The following DEK variants were observed in gnomAD, a reference collection of about 807,000 sequenced individuals.
DEK encodes the protein DEK proto-oncogene, also known as protein DEK.
In DEK, 28 loss-of-function variants were observed where a neutral mutation model predicts 46.8. The ratio of observed to expected loss-of-function variants is 0.60; its 90% CI spans 0.44 to 0.82. The LOEUF (loss-of-function observed/expected upper bound fraction) is 0.82, where lower values mean the gene tolerates loss of function less well. DEK is among the 40% of genes least tolerant of loss of function. DEK has a pLI of 0.00. For synonymous variants in DEK, 160 were observed against 144.5 expected (o/e 1.11, Z -0.77); for missense variants, 416 against 430.6 (o/e 0.97, Z 0.30).
chr6:18,239,073 C>A (rs1241205908), intron 7 of DEK, among the ~76,000 whole-genome samples: 5 of 152,012 alleles, frequency 3.3e-5, no homozygotes, highest in Admixed American at 2.0e-4. Context: ...TACAGGCATG[C>A]GCCACCACAC....
At chr6:18,258,966 C>G (rs930387232) in intron 2 of DEK, among the ~76,000 whole-genome samples, 1 of 152,134 alleles carries the variant, frequency 6.6e-6, no homozygotes, top group Non-Finnish European at 1.5e-5. Flanking sequence ...ACTGGGAGAG[C>G]ATTACTTTGT....
chr6:18,236,436 A>G lies in DEK; in HGVS notation c.1047+16T>C. 6.2e-7 allele frequency: 1 copy of G among 1,605,586 alleles called. No individual in the cohort carries two copies. The highest frequency in any genetic ancestry group is 1.1e-5 in the South Asian group (1 of 89,762). On this transcript the variant is annotated intron_variant, in intron 9 of 10. Coordinates refer to ENST00000652689, the MANE Select transcript of DEK (RefSeq NM_003472.4). ...TTCTAGCAAAAGCAAAATAATCTAA[A>G]CATTTGTCTAATTACCTTTTTGCAA...
intron 6 of DEK, among the ~76,000 whole-genome samples, chr6:18,252,323 A>C (rs2151090510): frequency 1.3e-5 from 2 of 152,142 alleles, no homozygotes; most frequent in East Asian, 3.9e-4. Context: ...CATCTTGGAC[A>C]ATATAGTGAG....
chr6:18,248,712 C>T (rs1791230829), intron 7 of DEK, among the ~76,000 whole-genome samples: 1 of 152,186 alleles, frequency 6.6e-6, no homozygotes. Flanking sequence ...TACCAGAGTT[C>T]ACTATATCTT....
rs1791570085 is a variant in DEK, at chr6:18,255,813, A to G, written c.491T>C (p.Leu164Pro). 6.2e-7 allele frequency: 1 copy of G among 1,611,172 alleles called. No individual in the cohort carries two copies. ...NAMLKSICEVLDLERSGVNSE... is the reference protein window; with the variant it reads ...NAMLKSICEVPDLERSGVNSE... ...ATTTACACCTGATCTCTCCAAATCA[A>G]GAACCTCACAGATGCTCTTTAACAT... The change falls in exon 6 of 11, where the codon CTT becomes CCT. Residue 164 changes from leucine to proline, a missense_variant. Coordinates refer to ENST00000652689, the MANE Select transcript of DEK (RefSeq NM_003472.4).
At chr6:18,259,070 C>T (rs1791724946) in intron 2 of DEK, among the ~76,000 whole-genome samples, 1 of 151,900 alleles carries the variant, frequency 6.6e-6, no homozygotes, top group Non-Finnish European at 1.5e-5. Flanking sequence ...GTGGCTCATG[C>T]CTGTAATCCC....
intron 2 of DEK, among the ~76,000 whole-genome samples, chr6:18,260,325 T>C (rs1420073809): frequency 1.3e-5 from 2 of 152,176 alleles, no homozygotes; most frequent in African/African-American, 4.8e-5. Context: ...TTTTACCAAT[T>C]TGTGGTTGAT....
chr6:18,237,634 C>T (rs1041657015), intron 7 of DEK, 118 bp from the exon 8 acceptor site: 3 of 1,330,160 alleles, frequency 2.3e-6, no homozygotes, highest in African/African-American at 1.5e-5. Context: ...TATTTGGTAT[C>T]AGCAATTAAA....
intron 7 of DEK, among the ~76,000 whole-genome samples, chr6:18,248,248 G>C (rs1378140820): frequency 6.6e-6 from 1 of 152,074 alleles, no homozygotes; most frequent in Non-Finnish European, 1.5e-5. Context: ...ATAGAGGTCA[G>C]ATTTGAACTC....
chr6:18,263,768 A>C (rs926108288), intron 2 of DEK, 75 bp downstream of exon 2: 1 of 1,609,686 alleles, frequency 6.2e-7, no homozygotes, highest in Non-Finnish European at 8.5e-7. Flanking sequence ...AGAGCAAGAA[A>C]ACTGTTTCCT....
intron 7 of DEK, among the ~76,000 whole-genome samples, chr6:18,242,672 T>C (rs1020930987): frequency 2.0e-5 from 3 of 152,160 alleles, no homozygotes; most frequent in African/African-American, 7.2e-5. Context: ...TGTTGCAGTA[T>C]CATTGTGCTT....
At chr6:18,248,788 T>G (rs932228803) in intron 7 of DEK, among the ~76,000 whole-genome samples, 3 of 152,196 alleles carry the variant, frequency 2.0e-5, no homozygotes, top group Admixed American at 6.5e-5. Context: ...TGACAATGTC[T>G]GAAGAACATT....
At chr6:18,232,290 T>C (rs1790446422) in intron 9 of DEK, among the ~76,000 whole-genome samples, 1 of 152,198 alleles carries the variant, frequency 6.6e-6, no homozygotes, top group South Asian at 2.1e-4. Context: ...TCATTCCCTT[T>C]GAAAACTGGC....
At chr6:18,236,394 G>T in intron 9 of DEK, 58 bp downstream of exon 9, 2 of 1,561,964 alleles carry the variant, frequency 1.3e-6, no homozygotes, top group Non-Finnish European at 8.7e-7. Flanking sequence ...CAAATTCAGA[G>T]ATAAGTGAAA....
chr6:18,228,210 T>C (rs1243150254), intron 9 of DEK, among the ~76,000 whole-genome samples: 1 of 152,194 alleles, frequency 6.6e-6, no homozygotes, highest in African/African-American at 2.4e-5. Context: ...TACTCAACTA[T>C]GCGTTGTAGT....
chr6:18,240,541 T>C (rs1362687814), intron 7 of DEK, among the ~76,000 whole-genome samples: 1 of 152,230 alleles, frequency 6.6e-6, no homozygotes, highest in Non-Finnish European at 1.5e-5. Flanking sequence ...GTATTTTTGG[T>C]AGTACCTGGC....
chr6:18,252,509 CAAAAA>C (rs61626818), intron 6 of DEK, among the ~76,000 whole-genome samples: 1 of 29,144 alleles, frequency 3.4e-5, no homozygotes, highest in African/African-American at 1.2e-4. Flanking sequence ...ACGCTGTCTC[CAAAAA>C]AAAAAAAAAA....
At chr6:18,249,614 G>A in intron 7 of DEK, 37 bp downstream of exon 7, 4 of 1,482,786 alleles carry the variant, frequency 2.7e-6, no homozygotes, top group South Asian at 1.5e-5. Context: ...TCTCCCCATG[G>A]AAAGAAATGA....
intron 7 of DEK, among the ~76,000 whole-genome samples, chr6:18,239,151 C>A (rs560711815): frequency 6.6e-6 from 1 of 151,918 alleles, no homozygotes; most frequent in Non-Finnish European, 1.5e-5. Flanking sequence ...CAGGAACTCC[C>A]GACCTCAGGT....
Sources: gnomAD v4.1 joint callset for allele counts (sites outside exome capture counted in the v4.1 genomes callset) on GRCh38, gnomAD v4.1.1 for gene constraint, MANE v1.5 for transcripts, NCBI Gene and HGNC (gene_info 2026-07-23, HGNC 2026-07-21) for gene names.